WDFY3: variants seen among roughly 807,000 people sequenced by gnomAD.
The protein encoded by WDFY3 is WD repeat and FYVE domain containing 3, also known as WD repeat and FYVE domain-containing protein 3.
WDFY3 carries 66 observed loss-of-function variants against 409.6 expected under a neutral mutation model. The ratio of observed to expected loss-of-function variants is 0.16; its 90% CI spans 0.13 to 0.20. The LOEUF is 0.20. Among genes scored for constraint, WDFY3 ranks in the 10% least tolerant of loss-of-function variants. WDFY3 has a pLI of 1.00. For missense variants in WDFY3, 3,031 were observed against 4,298.1 expected (o/e 0.71, Z 8.24); for synonymous variants, 1,521 against 1,537.1 (o/e 0.99, Z 0.25).
chr4:84,850,812 AC>A (rs1413697532), intron 4 of WDFY3, among the ~76,000 whole-genome samples: 1 of 152,170 alleles, frequency 6.6e-6, no homozygotes, highest in Middle Eastern at 3.4e-3. Flanking sequence ...CAAGGCTGTT[AC>A]CAAAAAAACT....
At position 84,675,338 on chromosome 4, in the gene WDFY3, C is replaced by T. The variant is rs544794231; in HGVS notation, c.10457+1861G>A. Among the ~76,000 whole-genome samples, 8 of 152,274 alleles carry T rather than the reference C, an allele frequency of 5.3e-5. No individual in the cohort carries two copies. In the East Asian group the frequency reaches 1.5e-3, roughly 29 times the overall value. ...TCTGCCAGCCTCACAGAAATTCCCA[C>T]AGGAAATGGCTGGCTGCAACATTTT... On this transcript the variant is annotated intron_variant, in intron 67 of 67. Transcript: ENST00000295888.
intron 2 of WDFY3, among the ~76,000 whole-genome samples, chr4:84,902,702 A>C (rs1168621572): frequency 6.6e-6 from 1 of 152,238 alleles, no homozygotes; most frequent in East Asian, 1.9e-4. Flanking sequence ...TACTTTTAAA[A>C]GGAAAAGCCT....
Position 84,677,238 on chromosome 4 carries a change from C to G in WDFY3, c.10418G>C (p.Arg3473Pro). Residue 3473 changes from arginine (R) to proline (P), a missense_variant, in exon 67 of 68, where the codon CGA (arginine) becomes CCA (proline). Coordinates refer to ENST00000295888, the MANE Select transcript of WDFY3 (RefSeq NM_014991.6). ...CTGACCACAGTTCCTGCAATGGTGT[C>G]GTCTTTCTGTGAGTGAAAACCTCAC... ...CSVRFSLTERRHHCRNCGQLF... is the reference protein window; with the variant it reads ...CSVRFSLTERPHHCRNCGQLF... 1 of 1,614,218 alleles carries G rather than the reference C, an allele frequency of 6.2e-7. No homozygotes were observed. The highest frequency in any genetic ancestry group is 8.5e-7 in the Non-Finnish European group (1 of 1,180,026).
At chr4:84,800,548 G>A (rs1484773308) in intron 17 of WDFY3, among the ~76,000 whole-genome samples, 1 of 152,176 alleles carries the variant, frequency 6.6e-6, no homozygotes, top group Non-Finnish European at 1.5e-5. Flanking sequence ...CAACTTGTGT[G>A]CAGCTCAAGA....
intron 1 of WDFY3, among the ~76,000 whole-genome samples, chr4:84,941,209 T>G (rs1197277788): frequency 1.3e-5 from 2 of 151,936 alleles, no homozygotes; most frequent in East Asian, 1.9e-4. Flanking sequence ...TGATTATATA[T>G]ATAGATAGAA....
At chr4:84,674,408 A>G (rs1348896747) in intron 67 of WDFY3, among the ~76,000 whole-genome samples, 1 of 151,950 alleles carries the variant, frequency 6.6e-6, no homozygotes, top group Non-Finnish European at 1.5e-5. Context: ...TATCTCTACA[A>G]AAAATACAAA....
intron 5 of WDFY3, among the ~76,000 whole-genome samples, chr4:84,846,484 G>T (rs372076512): frequency 6.6e-6 from 1 of 151,572 alleles, no homozygotes; most frequent in African/African-American, 2.4e-5. Context: ...ATCATAAAGG[G>T]AGTTAGGAAA....
intron 7 of WDFY3, 23 bp from the exon 8 acceptor site, chr4:84,831,628 A>T (rs748223654): frequency 6.3e-7 from 1 of 1,581,244 alleles, no homozygotes; most frequent in Admixed American, 1.7e-5. Flanking sequence ...ACAAAACAAA[A>T]CAAGAGTGTA....
intron 61 of WDFY3, 45 bp from the exon 62 acceptor site, chr4:84,688,310 C>T: frequency 6.4e-7 from 1 of 1,574,462 alleles, no homozygotes; most frequent in African/African-American, 1.4e-5. Context: ...ATCTCAGTGA[C>T]AGGGTTCCAC....
At chr4:84,712,758 T>C (rs887697229) in intron 51 of WDFY3, among the ~76,000 whole-genome samples, 9 of 151,982 alleles carry the variant, frequency 5.9e-5, no homozygotes, top group African/African-American at 2.2e-4. Flanking sequence ...AAAGATGAAA[T>C]ATCCAAAAAT....
At chr4:84,728,799 A>G (rs888857423) in intron 44 of WDFY3, among the ~76,000 whole-genome samples, 1 of 152,226 alleles carries the variant, frequency 6.6e-6, no homozygotes, top group Non-Finnish European at 1.5e-5. Context: ...AATATGTTAT[A>G]CCAATAATTT....
At chr4:84,832,548 C>A (rs1365297591) in intron 7 of WDFY3, among the ~76,000 whole-genome samples, 1 of 152,056 alleles carries the variant, frequency 6.6e-6, no homozygotes, top group Non-Finnish European at 1.5e-5. Context: ...ACGCTAGTTA[C>A]CCTTGATTCG....
In WDFY3 at chr4:84,743,682, A is replaced by C; in HGVS notation, c.6073+18T>G. ...AAGTGATTATAGGTATTTCTATAAA[A>C]TAAAAACACAGAATTACCTAATAAC... On this transcript the variant is annotated intron_variant, in intron 37 of 67. Transcript: ENST00000295888. The C allele has an allele frequency of 6.6e-7, 1 of 1,508,710 alleles. No homozygotes were observed. Among genetic ancestry groups the C allele is most frequent in the Non-Finnish European group, 8.9e-7 (1 of 1,119,788 alleles). The allele number at this position is 1,508,710 out of a possible 1,614,324, so 93.5% of individuals were successfully genotyped here.
intron 3 of WDFY3, among the ~76,000 whole-genome samples, chr4:84,869,266 G>A (rs565534702): frequency 1.3e-5 from 2 of 152,126 alleles, no homozygotes; most frequent in East Asian, 1.9e-4. Context: ...TTTCTCACTC[G>A]CTGAATCTGT....
chr4:84,713,318 C>T (rs377161216), intron 50 of WDFY3, 79 bp from the exon 51 acceptor site: 18 of 1,327,362 alleles, frequency 1.4e-5, no homozygotes, highest in Non-Finnish European at 1.8e-5. Flanking sequence ...AAGGACGATT[C>T]GTTTAGATTT....
intron 1 of WDFY3, among the ~76,000 whole-genome samples, chr4:84,960,992 G>A (rs13125323): frequency 0.29 from 44,314 of 151,732 alleles, 6,614 homozygotes; most frequent in Admixed American, 0.33. Flanking sequence ...CGAGGCGGGC[G>A]GATCACAAGG....
chr4:84,895,139 G>C (rs180895518), intron 3 of WDFY3, among the ~76,000 whole-genome samples: 1 of 152,130 alleles, frequency 6.6e-6, no homozygotes. Flanking sequence ...TTCAAAAATT[G>C]TATATGTTAA....
At position 84,671,152 on chromosome 4, in the gene WDFY3, T is replaced by A. The variant is rs971856280; in HGVS notation, c.*1716A>T. 1 of 152,604 alleles carries A rather than the reference T, an allele frequency of 6.6e-6. No homozygotes were observed. Among genetic ancestry groups the A allele is most frequent in the African/African-American group, 2.4e-5 (1 of 41,442 alleles). The allele number at this position is 152,604 out of a possible 1,614,324, so 9.5% of individuals were successfully genotyped here. A position where few individuals can be genotyped will look rare whatever the true frequency, so the allele number is the denominator to read the frequency against. On this transcript the variant is annotated 3_prime_UTR_variant, in exon 68 of 68. Transcript: ENST00000295888. Reference sequence around the variant, plus strand: ...CATATCAGGAAGAACAAATTTGTTCTTAAGCTGGTTTCAGCCCATCAGGTA... The same window carrying A: ...CATATCAGGAAGAACAAATTTGTTCATAAGCTGGTTTCAGCCCATCAGGTA...
chr4:84,867,495 A>G (rs1761551093), intron 3 of WDFY3, among the ~76,000 whole-genome samples: 1 of 152,218 alleles, frequency 6.6e-6, no homozygotes, highest in South Asian at 2.1e-4. Flanking sequence ...ATTTGGGTTC[A>G]TAAGAAAAAA....
Sources: allele counts gnomAD v4.1 joint callset (sites outside exome capture counted in the v4.1 genomes callset), GRCh38; gene constraint gnomAD v4.1.1; transcripts MANE v1.5; gene names NCBI Gene and HGNC (gene_info 2026-07-23, HGNC 2026-07-21).